The following CLUL1 variants were observed in gnomAD, a reference collection of about 807,000 sequenced individuals.
The protein encoded by CLUL1 is clusterin-like protein 1.
In CLUL1, 43 loss-of-function variants were observed where a neutral mutation model predicts 49.4. That is an observed-to-expected ratio of 0.87 (90% CI 0.68 to 1.12). The LOEUF is 1.12. CLUL1 is among the 50% of genes most tolerant of loss of function. CLUL1 has a pLI of 0.00. For missense variants in CLUL1, 486 were observed against 544.4 expected (o/e 0.89, Z 1.07); for synonymous variants, 192 against 184.9 (o/e 1.04, Z -0.31).
chr18:628,757 G>A (rs770718610), intron 6 of CLUL1, among the ~76,000 whole-genome samples: 6 of 149,650 alleles, frequency 4.0e-5, no homozygotes, highest in Non-Finnish European at 5.9e-5. Context: ...TCAGCTTCCC[G>A]AGTAGTGGGG....
intron 2 of CLUL1, among the ~76,000 whole-genome samples, chr18:615,336 C>T (rs1161228227): frequency 6.6e-6 from 1 of 152,068 alleles, no homozygotes; most frequent in African/African-American, 2.4e-5. Context: ...AGAAATTGCT[C>T]TTAAAGGAGG....
Position 645,808 on chromosome 18 carries a change from AAAATATATATATATATATATATATAT to A in CLUL1, c.1397+713_1397+738del, listed in dbSNP as rs1203684358. On this transcript the variant is annotated intron_variant, in intron 9 of 9. Transcript: ENST00000692774. ...GACTCTGTTTAAAAAAAAAAAAAAA[AAAATATATATATATATATATATATAT>A]ATATATATATATATATATGTTAAAC... 2.5e-4 allele frequency among the ~76,000 whole-genome samples: 14 copies of A among 56,906 alleles called. 3 individuals are homozygous for A. In the South Asian group the frequency reaches 4.5e-3, roughly 18 times the overall value. 37.3% of individuals were successfully genotyped at this position (56,906 alleles called of 152,430 possible).
intron 7 of CLUL1, 43 bp downstream of exon 7, chr18:633,478 C>G (rs1475346962): frequency 6.5e-7 from 1 of 1,547,598 alleles, no homozygotes; most frequent in Non-Finnish European, 8.9e-7. Context: ...TTTAAGTTCT[C>G]AGGTACATTT....
chr18:615,244 G>T (rs901238652), intron 2 of CLUL1, among the ~76,000 whole-genome samples: 10 of 152,160 alleles, frequency 6.6e-5, no homozygotes, highest in Non-Finnish European at 1.0e-4. Flanking sequence ...AACAGATGAA[G>T]TAATTAGAGG....
At chr18:616,979 A>G (rs2073309150) in intron 2 of CLUL1, among the ~76,000 whole-genome samples, 1 of 152,360 alleles carries the variant, frequency 6.6e-6, no homozygotes, top group South Asian at 2.1e-4. Context: ...CGTAAAGCAG[A>G]TAAATATCCC....
chr18:629,881 G>A (rs1345781928), intron 6 of CLUL1, among the ~76,000 whole-genome samples: 2 of 152,136 alleles, frequency 1.3e-5, no homozygotes, highest in Admixed American at 6.5e-5. Context: ...ACTTGAATGT[G>A]GTTTCCATCA....
At chr18:602,489 C>T (rs934650021) in intron 1 of CLUL1, among the ~76,000 whole-genome samples, 48 of 152,290 alleles carry the variant, frequency 3.2e-4, no homozygotes, top group African/African-American at 1.0e-3. Flanking sequence ...TCCTCCAAGG[C>T]TCTGGCTCTC....
chr18:625,118 G>A, intron 5 of CLUL1, 86 bp downstream of exon 5: 2 of 1,325,964 alleles, frequency 1.5e-6, no homozygotes, highest in Non-Finnish European at 2.1e-6. Flanking sequence ...TTAATATTTA[G>A]AACGGAGATG....
At chr18:647,156 G>C (rs73943345) in intron 9 of CLUL1, among the ~76,000 whole-genome samples, 134 of 150,242 alleles carry the variant, frequency 8.9e-4, no homozygotes, top group Admixed American at 1.5e-3. Context: ...GTTCCAAAAG[G>C]GGGGATGGCA....
At chr18:644,764 T>A (rs2074424747) in intron 8 of CLUL1, 146 bp from the exon 9 acceptor site, 1 of 536,758 alleles carries the variant, frequency 1.9e-6, no homozygotes, top group Admixed American at 3.9e-5. Context: ...AAGAAATAAA[T>A]CTTTGTTGCA....
intron 4 of CLUL1, among the ~76,000 whole-genome samples, chr18:623,973 C>T (rs1029590905): frequency 1.3e-5 from 2 of 152,192 alleles, no homozygotes; most frequent in African/African-American, 4.8e-5. Flanking sequence ...TCACTTCATT[C>T]CCCTGCACGA....
intron 2 of CLUL1, among the ~76,000 whole-genome samples, chr18:611,767 G>T (rs2073140748): frequency 6.6e-6 from 1 of 152,102 alleles, no homozygotes; most frequent in African/African-American, 2.4e-5. Flanking sequence ...AGGATAGAAA[G>T]TCACCGGTGG....
intron 1 of CLUL1, among the ~76,000 whole-genome samples, chr18:601,992 G>A (rs1382209243): frequency 2.6e-5 from 4 of 151,998 alleles, no homozygotes; most frequent in Non-Finnish European, 4.4e-5. Context: ...AGGCTGAGGT[G>A]GGAGGACCAC....
intron 8 of CLUL1, among the ~76,000 whole-genome samples, chr18:644,483 C>A (rs1321669840): frequency 6.6e-6 from 1 of 152,224 alleles, no homozygotes; most frequent in East Asian, 1.9e-4. Flanking sequence ...AAACATCCCA[C>A]CTCCTCTCTC....
intron 4 of CLUL1, among the ~76,000 whole-genome samples, chr18:621,957 T>C (rs754210652): frequency 7.2e-5 from 11 of 152,204 alleles, no homozygotes; most frequent in Non-Finnish European, 1.5e-4. Flanking sequence ...TTTTTGTTTA[T>C]TCTTAAAAAT....
intron 2 of CLUL1, chr18:613,363 T>G (rs572827484): frequency 1.6e-4 from 47 of 285,776 alleles, no homozygotes; most frequent in African/African-American, 1.0e-3. Context: ...GGTCTTGAAC[T>G]CCTGACCCAA....
intron 6 of CLUL1, among the ~76,000 whole-genome samples, chr18:628,116 C>A (rs1032994696): frequency 5.9e-5 from 9 of 152,210 alleles, no homozygotes; most frequent in African/African-American, 1.7e-4. Context: ...CGTGAGCCAC[C>A]ATGCATGGCC....
At chr18:640,076 C>T (rs28880359) in intron 7 of CLUL1, among the ~76,000 whole-genome samples, 5,794 of 152,278 alleles carry the variant, frequency 0.038, 383 homozygotes, top group African/African-American at 0.13. Flanking sequence ...AATCCATAAT[C>T]TATGGGTAAT....
At chr18:623,848 C>G (rs2073587623) in intron 4 of CLUL1, among the ~76,000 whole-genome samples, 2 of 152,126 alleles carry the variant, frequency 1.3e-5, no homozygotes, top group Admixed American at 1.3e-4. Flanking sequence ...CCTAGCCAGG[C>G]AGAGAAGATG....
Sources: allele counts gnomAD v4.1 joint callset (sites outside exome capture counted in the v4.1 genomes callset), GRCh38; gene constraint gnomAD v4.1.1; transcripts MANE v1.5; gene names NCBI Gene and HGNC (gene_info 2026-07-23, HGNC 2026-07-21).